The following NAV2 variants were observed in gnomAD, a reference collection of about 807,000 sequenced individuals.
NAV2 encodes neuron navigator 2.
A neutral mutation model predicts 223.2 loss-of-function variants in NAV2; 54 were observed. The observed-to-expected ratio is 0.24, with a 90% CI of 0.19 to 0.30. The LOEUF is 0.30. Ranked by LOEUF, NAV2 falls within the 10% of genes least tolerant of loss-of-function variation. The pLI is 1.00. For missense variants in NAV2, 2,806 were observed against 3,147.5 expected (o/e 0.89, Z 2.60); for synonymous variants, 1,279 against 1,239.3 (o/e 1.03, Z -0.67).
chr11:19,426,690 C>T (rs1402278623), intron 1 of NAV2, among the ~76,000 whole-genome samples: 1 of 127,064 alleles, frequency 7.9e-6, no homozygotes, highest in Non-Finnish European at 1.7e-5. Flanking sequence ...TAAACAGTCC[C>T]ATCAATTTTT....
intron 1 of NAV2, among the ~76,000 whole-genome samples, chr11:19,356,836 C>G (rs1853650328): frequency 6.6e-6 from 1 of 152,152 alleles, no homozygotes; most frequent in African/African-American, 2.4e-5. Context: ...TTTATTTTGG[C>G]TTAATTTTCA....
At chr11:19,851,059 T>G (rs2152975863) in intron 3 of NAV2, among the ~76,000 whole-genome samples, 1 of 152,020 alleles carries the variant, frequency 6.6e-6, no homozygotes, top group East Asian at 2.0e-4. Context: ...ACACTTAGAG[T>G]AGGTACTGGT....
chr11:19,395,300 T>C (rs1849405005), intron 1 of NAV2, among the ~76,000 whole-genome samples: 1 of 152,256 alleles, frequency 6.6e-6, no homozygotes, highest in Non-Finnish European at 1.5e-5. Context: ...ACACATCTGC[T>C]ACCTTGGATA....
At position 19,850,613 on chromosome 11, in the gene NAV2, G is replaced by T. The variant is rs571063433; in HGVS notation, c.438+7690G>T. On this transcript the variant is annotated intron_variant, in intron 3 of 37. Coordinates refer to ENST00000349880, the MANE Select transcript of NAV2 (RefSeq NM_145117.5). ...GAAATAGATATGTAGTGCTGTTCTAGAAGTGTCTTTCCCTAATTCTTTTCT... is the reference window on the plus strand; with the variant it reads ...GAAATAGATATGTAGTGCTGTTCTATAAGTGTCTTTCCCTAATTCTTTTCT... Among the ~76,000 whole-genome samples, 4 of 152,308 alleles carry T rather than the reference G, an allele frequency of 2.6e-5. 1 individual carries two copies. Among genetic ancestry groups the T allele is most frequent in the African/African-American group, 9.6e-5 (4 of 41,574 alleles).
intron 1 of NAV2, among the ~76,000 whole-genome samples, chr11:19,419,537 G>A (rs1438667814): frequency 2.0e-5 from 3 of 152,158 alleles, no homozygotes; most frequent in African/African-American, 4.8e-5. Context: ...GTGGGGCTTC[G>A]AGACCCGCTT....
At chr11:19,662,477 G>T (rs983043113) in intron 1 of NAV2, among the ~76,000 whole-genome samples, 3 of 152,214 alleles carry the variant, frequency 2.0e-5, no homozygotes, top group African/African-American at 4.8e-5. Context: ...GCCTCCTCAG[G>T]GAAAGAATAG....
At chr11:19,460,907 C>T (rs1372523824) in intron 1 of NAV2, among the ~76,000 whole-genome samples, 1 of 152,122 alleles carries the variant, frequency 6.6e-6, no homozygotes, top group East Asian at 1.9e-4. Context: ...GTCCTGTACA[C>T]TCATCCCCTT....
intron 1 of NAV2, among the ~76,000 whole-genome samples, chr11:19,571,987 G>C (rs1201421044): frequency 2.0e-5 from 3 of 152,208 alleles, no homozygotes; most frequent in Non-Finnish European, 2.9e-5. Context: ...AGCACTCACT[G>C]TGTTAGGGAC....
intron 16 of NAV2, among the ~76,000 whole-genome samples, chr11:20,050,430 T>G (rs1367997104): frequency 6.6e-6 from 1 of 152,120 alleles, no homozygotes; most frequent in African/African-American, 2.4e-5. Flanking sequence ...AAAAAGAATG[T>G]GTAGAGTATT....
chr11:19,485,452 A>G (rs1335313556), intron 1 of NAV2, among the ~76,000 whole-genome samples: 3 of 152,140 alleles, frequency 2.0e-5, no homozygotes, highest in Non-Finnish European at 2.9e-5. Flanking sequence ...GGAAGTTACC[A>G]ACACACAGGG....
intron 1 of NAV2, among the ~76,000 whole-genome samples, chr11:19,737,391 G>A (rs548926599): frequency 5.9e-5 from 9 of 152,324 alleles, no homozygotes; most frequent in East Asian, 5.8e-4. Flanking sequence ...ATACTTTCAC[G>A]GATCTTACAG....
chr11:20,058,802 G>C (rs1026024713), intron 19 of NAV2, among the ~76,000 whole-genome samples: 1 of 152,212 alleles, frequency 6.6e-6, no homozygotes, highest in African/African-American at 2.4e-5. Flanking sequence ...TTGGAAAATT[G>C]AAGTGAAGAT....
intron 1 of NAV2, among the ~76,000 whole-genome samples, chr11:19,355,226 C>G (rs926280486): frequency 1.4e-5 from 2 of 147,246 alleles, no homozygotes; most frequent in Admixed American, 6.9e-5. Flanking sequence ...AGCGGATGAA[C>G]ATTGTAAAAT....
intron 1 of NAV2, among the ~76,000 whole-genome samples, chr11:19,605,535 TA>T (rs542244329): frequency 0.037 from 5,044 of 135,786 alleles, 149 homozygotes; most frequent in African/African-American, 0.088. Flanking sequence ...AAATATTATT[TA>T]AAAAAAAAAA....
intron 1 of NAV2, among the ~76,000 whole-genome samples, chr11:19,421,764 C>CTTTTTTTTTT (rs373669949): frequency 7.1e-5 from 6 of 84,542 alleles, no homozygotes; most frequent in East Asian, 4.3e-4. Context: ...AAGAGAGAGG[C>CTTTTTTTTTT]TTTTTTTTTT....
chr11:20,054,028 T>C, intron 17 of NAV2, 52 bp from the exon 18 acceptor site: 1 of 1,574,522 alleles, frequency 6.4e-7, no homozygotes, highest in Non-Finnish European at 8.6e-7. Context: ...ACAGAGTTCA[T>C]TTTAATAAGC....
In NAV2 at chr11:19,949,106, C is replaced by T. The variant is rs573297915; in HGVS notation, c.2645+26C>T. Reference sequence around the variant, plus strand: ...GTAAGTACCCGGGGCCGCCCTTTCTCCCAGAGAGAAAGAGGGCTTGGCACC... The same window carrying T: ...GTAAGTACCCGGGGCCGCCCTTTCTTCCAGAGAGAAAGAGGGCTTGGCACC... On this transcript the variant is annotated intron_variant, in intron 10 of 37. Coordinates refer to ENST00000349880, the MANE Select transcript of NAV2 (RefSeq NM_145117.5). 10 of 1,553,048 alleles carry T rather than the reference C, an allele frequency of 6.4e-6. No individual in the cohort carries two copies. The African/African-American group carries it at 6.8e-5, about 11-fold the overall frequency.
intron 10 of NAV2, among the ~76,000 whole-genome samples, chr11:19,963,047 T>C (rs2048464868): frequency 6.6e-6 from 1 of 152,148 alleles, no homozygotes; most frequent in African/African-American, 2.4e-5. Flanking sequence ...ATAAATGTGG[T>C]GTTGGCTCTA....
intron 1 of NAV2, among the ~76,000 whole-genome samples, chr11:19,431,453 A>C (rs932720632): frequency 1.1e-4 from 17 of 152,192 alleles, no homozygotes; most frequent in African/African-American, 4.1e-4. Flanking sequence ...CCACAAAAAG[A>C]CCCTGCCTCC....
Sources: allele counts gnomAD v4.1 joint callset (sites outside exome capture counted in the v4.1 genomes callset), GRCh38; gene constraint gnomAD v4.1.1; transcripts MANE v1.5; gene names NCBI Gene and HGNC (gene_info 2026-07-23, HGNC 2026-07-21).